PDE4D: variants seen among roughly 807,000 people sequenced by gnomAD.
PDE4D encodes 3',5'-cyclic-AMP phosphodiesterase 4D.
Under a neutral mutation model 87.4 loss-of-function variants are expected in PDE4D, and 24 were observed. The ratio of observed to expected loss-of-function variants is 0.27; its 90% CI spans 0.20 to 0.39. PDE4D has a LOEUF of 0.39. Ranked by LOEUF, PDE4D falls within the 10% of genes least tolerant of loss-of-function variation. The pLI is 1.00. For missense variants in PDE4D, 714 were observed against 1,041.0 expected (o/e 0.69, Z 4.32); for synonymous variants, 384 against 383.2 (o/e 1.00, Z -0.02).
chr5:59,362,002 G>A (rs1302186301), intron 1 of PDE4D, among the ~76,000 whole-genome samples: 2 of 152,112 alleles, frequency 1.3e-5, no homozygotes, highest in Admixed American at 1.3e-4. Flanking sequence ...CTGTATAGGG[G>A]ATTAGAGATT....
At chr5:59,348,727 T>C (rs1026750411) in intron 1 of PDE4D, among the ~76,000 whole-genome samples, 5 of 151,704 alleles carry the variant, frequency 3.3e-5, no homozygotes, top group African/African-American at 1.2e-4. Context: ...TTTACTCTAT[T>C]CACAATCCAT....
chr5:59,551,106 T>C (rs1818041950), intron 1 of PDE4D, among the ~76,000 whole-genome samples: 1 of 152,122 alleles, frequency 6.6e-6, no homozygotes, highest in African/African-American at 2.4e-5. Context: ...GTTTTTGATG[T>C]GTAGAAAAAT....
At chr5:60,282,044 GAT>G (rs1238340736) in intron 1 of PDE4D, among the ~76,000 whole-genome samples, 4 of 151,262 alleles carry the variant, frequency 2.6e-5, no homozygotes, top group African/African-American at 9.7e-5. Context: ...AAAAATGAGA[GAT>G]ACTCTATTTC....
At chr5:59,207,730 C>A (rs912603985) in intron 2 of PDE4D, among the ~76,000 whole-genome samples, 2 of 151,714 alleles carry the variant, frequency 1.3e-5, no homozygotes, top group Non-Finnish European at 2.9e-5. Context: ...AGATATTATC[C>A]TTTGAAATGT....
At chr5:60,144,282 A>C (rs372596983) in intron 2 of PDE4D, among the ~76,000 whole-genome samples, 44 of 152,358 alleles carry the variant, frequency 2.9e-4, no homozygotes, top group African/African-American at 1.1e-3. Context: ...TTCCTGTCAT[A>C]CAATGAGTAA....
At chr5:59,704,864 G>A (rs1753158912) in intron 1 of PDE4D, among the ~76,000 whole-genome samples, 1 of 152,122 alleles carries the variant, frequency 6.6e-6, no homozygotes, top group African/African-American at 2.4e-5. Flanking sequence ...AATGGAACCA[G>A]AACACCTTAA....
intron 3 of PDE4D, among the ~76,000 whole-genome samples, chr5:59,900,334 T>C (rs2152761983): frequency 6.6e-6 from 1 of 151,958 alleles, no homozygotes; most frequent in African/African-American, 2.4e-5. Context: ...AAGTTCATAC[T>C]ATAATTATTA....
intron 1 of PDE4D, among the ~76,000 whole-genome samples, chr5:59,503,401 A>T (rs1338644717): frequency 6.6e-6 from 1 of 152,206 alleles, no homozygotes; most frequent in African/African-American, 2.4e-5. Context: ...GTTCACAGCA[A>T]AGGTTCCCAT....
At chr5:59,480,378 T>A (rs7711639) in intron 1 of PDE4D, among the ~76,000 whole-genome samples, 1 of 151,988 alleles carries the variant, frequency 6.6e-6, no homozygotes, top group African/African-American at 2.4e-5. Flanking sequence ...CATATTACAA[T>A]GAAGATAATG....
intron 2 of PDE4D, among the ~76,000 whole-genome samples, chr5:60,156,771 T>C (rs1191936116): frequency 6.6e-6 from 1 of 152,132 alleles, no homozygotes; most frequent in Non-Finnish European, 1.5e-5. Context: ...TTTATTCCAA[T>C]GTTTATGCTG....
At chr5:59,287,720 G>A (rs372124152) in intron 1 of PDE4D, among the ~76,000 whole-genome samples, 3 of 143,894 alleles carry the variant, frequency 2.1e-5, no homozygotes, top group Non-Finnish European at 4.5e-5. Context: ...GACACACACA[G>A]AGAGAGAGAG....
At chr5:60,492,143 A>C (rs1749568702), upstream of PDE4D, among the ~76,000 whole-genome samples, 1 of 152,058 alleles carries the variant, frequency 6.6e-6, no homozygotes, top group Admixed American at 6.6e-5. Context: ...AAAAAAAAGA[A>C]AATTGTCAGC....
At chr5:59,546,806 A>G (rs570947078) in intron 1 of PDE4D, among the ~76,000 whole-genome samples, 1 of 152,274 alleles carries the variant, frequency 6.6e-6, no homozygotes, top group Admixed American at 6.5e-5. Context: ...TGCTAATTGA[A>G]TTGAGCAAAT....
rs778301270 is a variant in PDE4D, at chr5:58,974,837, C to T, written c.2257G>A (p.Gly753Ser). 2.0e-5 allele frequency: 33 copies of T among 1,613,262 alleles called. No homozygotes were observed. The highest frequency in any genetic ancestry group is 2.7e-5 in the Non-Finnish European group (32 of 1,179,544). Reference protein sequence around the residue: ...DGESDTEKDSGSQVEEDTSCS... With the variant: ...DGESDTEKDSSSQVEEDTSCS... ...CTAGTGTCTTCTTCCACTTGACTGCCACTGTCCTTTTCCGTGTCTGACTCA... is the reference window on the plus strand; with the variant it reads ...CTAGTGTCTTCTTCCACTTGACTGCTACTGTCCTTTTCCGTGTCTGACTCA... Residue 753 changes from glycine (G) to serine (S), a missense_variant, in exon 15 of 15, where the codon GGC becomes AGC. Around this residue, in one of 7 missense-constraint regions of PDE4D, gnomAD observed 90 missense variants for 95.3 expected, o/e 0.94. Coordinates refer to ENST00000340635, the MANE Select transcript of PDE4D (RefSeq NM_001104631.2).
chr5:60,419,847 A>G (rs565855585), intron 1 of PDE4D, among the ~76,000 whole-genome samples: 3 of 152,326 alleles, frequency 2.0e-5, no homozygotes, highest in Admixed American at 1.3e-4. Context: ...CTGCCCACGA[A>G]TGTCCACCTC....
intron 1 of PDE4D, among the ~76,000 whole-genome samples, chr5:60,245,784 G>C (rs1747688664): frequency 6.6e-6 from 1 of 151,248 alleles, no homozygotes; most frequent in Admixed American, 6.6e-5. Context: ...GCTTGTAAGG[G>C]TAGTGGAGGA....
chr5:59,067,018 T>G (rs1470436627), intron 5 of PDE4D, among the ~76,000 whole-genome samples: 1 of 151,034 alleles, frequency 6.6e-6, no homozygotes, highest in Non-Finnish European at 1.5e-5. Context: ...ATTTATTTAT[T>G]TATTTATTTA....
At chr5:59,939,751 C>CG (rs1180488126) in intron 3 of PDE4D, among the ~76,000 whole-genome samples, 4 of 151,988 alleles carry the variant, frequency 2.6e-5, no homozygotes. Flanking sequence ...GGAAAGCAGA[C>CG]GGGGGTACCT....
Position 59,195,050 on chromosome 5 carries a change from C to T in PDE4D, c.648-1514G>A, listed in dbSNP as rs1380219374. On this transcript the variant is annotated intron_variant, in intron 2 of 14. Coordinates refer to ENST00000340635, the MANE Select transcript of PDE4D (RefSeq NM_001104631.2). ...TTCTCTTTTGCATGTGCTCACTTGCCCTTCCATTTTTCCATTGTTTGGGAT... is the reference window on the plus strand; with the variant it reads ...TTCTCTTTTGCATGTGCTCACTTGCTCTTCCATTTTTCCATTGTTTGGGAT... Among the ~76,000 whole-genome samples the T allele has an allele frequency of 1.9e-4, 29 of 152,028 alleles. 1 individual carries two copies. The highest frequency in any genetic ancestry group is 1.9e-3 in the Admixed American group (29 of 15,264).
Sources: allele counts gnomAD v4.1 joint callset (sites outside exome capture counted in the v4.1 genomes callset), GRCh38; gene constraint gnomAD v4.1.1; regional missense constraint gnomAD v4.1.1; transcripts MANE v1.5; gene names NCBI Gene and HGNC (gene_info 2026-07-23, HGNC 2026-07-21).